Variants in PRKCA observed in about 807,000 individuals in gnomAD.
The protein encoded by PRKCA is protein kinase C alpha type.
PRKCA carries 27 observed loss-of-function variants against 87.0 expected under a neutral mutation model. The ratio of observed to expected loss-of-function variants is 0.31; its 90% CI spans 0.23 to 0.43. The LOEUF (loss-of-function observed/expected upper bound fraction) is 0.43, where lower values mean the gene tolerates loss of function less well. PRKCA is among the 20% of genes least tolerant of loss of function. PRKCA has a pLI of 1.00. For missense variants in PRKCA, 518 were observed against 852.3 expected (o/e 0.61, Z 4.88); for synonymous variants, 329 against 311.1 (o/e 1.06, Z -0.61).
At chr17:66,750,694 G>A (rs1050173154) in intron 13 of PRKCA, among the ~76,000 whole-genome samples, 2 of 152,118 alleles carry the variant, frequency 1.3e-5, no homozygotes, top group African/African-American at 2.4e-5. Context: ...TGGTGGATTC[G>A]CTGCCCCTTC....
At chr17:66,414,112 C>T (rs938906121) in intron 2 of PRKCA, among the ~76,000 whole-genome samples, 1 of 152,018 alleles carries the variant, frequency 6.6e-6, no homozygotes, top group Admixed American at 6.5e-5. Context: ...AGGAGCTCTA[C>T]ATCAGGAACT....
intron 2 of PRKCA, among the ~76,000 whole-genome samples, chr17:66,313,251 C>T (rs1905161529): frequency 6.6e-6 from 1 of 152,192 alleles, no homozygotes; most frequent in Non-Finnish European, 1.5e-5. Context: ...AGAAAGATCA[C>T]AGTGACTTCT....
intron 2 of PRKCA, among the ~76,000 whole-genome samples, chr17:66,495,789 G>A (rs929714000): frequency 5.3e-5 from 8 of 151,930 alleles, no homozygotes; most frequent in Non-Finnish European, 1.0e-4. Context: ...GGCTGCTCTT[G>A]AACTCCTGAC....
intron 16 of PRKCA, 52 bp downstream of exon 16, chr17:66,789,031 G>C: frequency 6.2e-7 from 1 of 1,608,294 alleles, no homozygotes. Flanking sequence ...CCAAATTCTG[G>C]GAGTATCCCA....
chr17:66,702,157 CACAT>C (rs759832691), intron 8 of PRKCA, among the ~76,000 whole-genome samples: 40 of 152,054 alleles, frequency 2.6e-4, no homozygotes, highest in Non-Finnish European at 4.4e-4. Flanking sequence ...TATACACACA[CACAT>C]ATATACATGT....
chr17:66,760,000 A>G (rs1449143709), intron 13 of PRKCA, among the ~76,000 whole-genome samples: 1 of 152,248 alleles, frequency 6.6e-6, no homozygotes, highest in South Asian at 2.1e-4. Flanking sequence ...GTGCCCCTCT[A>G]TCAGAAATAG....
chr17:66,387,598 A>C (rs1910133669), intron 2 of PRKCA, among the ~76,000 whole-genome samples: 1 of 152,188 alleles, frequency 6.6e-6, no homozygotes, highest in African/African-American at 2.4e-5. Flanking sequence ...TTAGCAGAGA[A>C]CAATAGAAGC....
chr17:66,483,237 G>A (rs1367643588), intron 2 of PRKCA, among the ~76,000 whole-genome samples: 1 of 152,210 alleles, frequency 6.6e-6, no homozygotes, highest in East Asian at 1.9e-4. Flanking sequence ...AAAGTGTGTT[G>A]CCTCAGTTCC....
intron 4 of PRKCA, 54 bp downstream of exon 4, chr17:66,641,520 G>C: frequency 7.5e-7 from 1 of 1,336,562 alleles, no homozygotes; most frequent in South Asian, 1.3e-5. Context: ...TCATGCTCAG[G>C]GTTTGCTGAG....
At chr17:66,450,043 A>G (rs899264682) in intron 2 of PRKCA, among the ~76,000 whole-genome samples, 2 of 151,436 alleles carry the variant, frequency 1.3e-5, no homozygotes, top group African/African-American at 2.4e-5. Flanking sequence ...AGCATTGTTT[A>G]TAGCCACAAT....
At chr17:66,575,694 C>G (rs2143424457) in intron 3 of PRKCA, among the ~76,000 whole-genome samples, 1 of 152,328 alleles carries the variant, frequency 6.6e-6, no homozygotes, top group South Asian at 2.1e-4. Flanking sequence ...TACTTGGAAA[C>G]ATTGCCTGTT....
At chr17:66,783,160 G>C (rs1485107009) in intron 14 of PRKCA, among the ~76,000 whole-genome samples, 1 of 152,176 alleles carries the variant, frequency 6.6e-6, no homozygotes, top group Non-Finnish European at 1.5e-5. Context: ...CACAGGCTCT[G>C]TCACGGGTGT....
chr17:66,696,154 C>T (rs1598880535), intron 8 of PRKCA, among the ~76,000 whole-genome samples: 1 of 152,298 alleles, frequency 6.6e-6, no homozygotes, highest in East Asian at 1.9e-4. Context: ...CCGTGCTGGG[C>T]ATCGTATATT....
At chr17:66,651,816 G>A (rs78847441) in intron 5 of PRKCA, among the ~76,000 whole-genome samples, 100 of 152,240 alleles carry the variant, frequency 6.6e-4, no homozygotes, top group Middle Eastern at 3.4e-3. Context: ...CTGGTTCAGC[G>A]TTCTCAGCAG....
At chr17:66,652,299 C>A (rs556218738) in intron 5 of PRKCA, among the ~76,000 whole-genome samples, 6 of 152,196 alleles carry the variant, frequency 3.9e-5, no homozygotes, top group South Asian at 2.1e-4. Flanking sequence ...ACATGATTAC[C>A]AAATGCAATC....
chr17:66,485,638 A>T (rs1293130581), intron 2 of PRKCA, among the ~76,000 whole-genome samples: 3 of 152,166 alleles, frequency 2.0e-5, no homozygotes. Context: ...CATTTTGCTG[A>T]AGAAAGAGAT....
intron 3 of PRKCA, among the ~76,000 whole-genome samples, chr17:66,544,899 A>T (rs1275174564): frequency 6.6e-6 from 1 of 152,154 alleles, no homozygotes; most frequent in East Asian, 1.9e-4. Context: ...GACCACCAAT[A>T]TCATTTTTTA....
chr17:66,468,178 A>G (rs1216940012), intron 2 of PRKCA, among the ~76,000 whole-genome samples: 1 of 152,250 alleles, frequency 6.6e-6, no homozygotes. Context: ...GCTTAAAGAA[A>G]TGAAAACTAC....
chr17:66,548,831 T>C (rs1968235368), intron 3 of PRKCA, among the ~76,000 whole-genome samples: 1 of 151,020 alleles, frequency 6.6e-6, no homozygotes, highest in African/African-American at 2.4e-5. Context: ...TGAAGCAGGC[T>C]CTCTCTCTGT....
Sources: gnomAD v4.1 joint callset for allele counts (sites outside exome capture counted in the v4.1 genomes callset) on GRCh38, gnomAD v4.1.1 for gene constraint, MANE v1.5 for transcripts, NCBI Gene and HGNC (gene_info 2026-07-23, HGNC 2026-07-21) for gene names.